CDH19: variants seen among roughly 807,000 people sequenced by gnomAD.
CDH19 encodes cadherin 19.
A neutral mutation model predicts 64.2 loss-of-function variants in CDH19; 67 were observed. The ratio of observed to expected loss-of-function variants is 1.04; its 90% CI spans 0.86 to 1.28. The LOEUF is 1.28. Ranked by LOEUF, CDH19 falls within the 50% of genes most tolerant of loss-of-function variation. The pLI, the probability that CDH19 is intolerant of heterozygous loss-of-function variation, is 0.00. For missense variants in CDH19, 1,030 were observed against 929.0 expected (o/e 1.11, Z -1.41); for synonymous variants, 346 against 319.3 (o/e 1.08, Z -0.89).
rs186615186 is a variant in CDH19 at position 66,501,424 on chromosome 18, A to T, written c.*3388T>A. 26 of 152,354 alleles carry T rather than the reference A, an allele frequency of 1.7e-4. No homozygotes were observed. The highest frequency in any genetic ancestry group is 1.6e-3 in the Admixed American group (25 of 15,270). 9.4% of individuals were successfully genotyped at this position (152,354 alleles called of 1,614,324 possible). ...AAGTTGCAGCTGATCACCAACCTGAATGAAGTGATGTAATGGAAAATAGAA... is the reference window on the plus strand; with the variant it reads ...AAGTTGCAGCTGATCACCAACCTGATTGAAGTGATGTAATGGAAAATAGAA... On this transcript the variant is annotated 3_prime_UTR_variant, in exon 12 of 12. Transcript: ENST00000262150.
chr18:66,551,104 T>G lies in CDH19; in HGVS notation c.765A>C (p.Ile255=). 6.3e-7 allele frequency: 1 copy of G among 1,574,912 alleles called. No individual in the cohort carries two copies. The highest frequency in any genetic ancestry group is 8.7e-7 in the Non-Finnish European group (1 of 1,149,254). Residue 255 remains isoleucine (I), a synonymous_variant, in exon 5 of 12, where the codon ATA becomes ATC. Coordinates refer to ENST00000262150, the MANE Select transcript of CDH19 (RefSeq NM_021153.4). ...KLSDVNDNKP[I]FKESLYRLTV... ...ATCCTTTTTACTTACTTTCTTTAAA[T>G]ATAGGCTTATTGTCATTAACATCTG...
At chr18:66,592,137 T>C (rs1237210279) in intron 1 of CDH19, among the ~76,000 whole-genome samples, 2 of 151,928 alleles carry the variant, frequency 1.3e-5, no homozygotes, top group African/African-American at 4.8e-5. Context: ...TGACTAGAGA[T>C]GAACTATGAT....
At chr18:66,512,557 A>G (rs923916475) in intron 9 of CDH19, among the ~76,000 whole-genome samples, 2 of 151,690 alleles carry the variant, frequency 1.3e-5, no homozygotes, top group Middle Eastern at 3.4e-3. Context: ...AAAAAAATAG[A>G]TACATCTTCA....
chr18:66,507,436 C>A (rs746320824), intron 11 of CDH19, among the ~76,000 whole-genome samples: 2 of 151,732 alleles, frequency 1.3e-5, no homozygotes, highest in South Asian at 2.1e-4. Context: ...AATGTAGTTT[C>A]ATTGGCTTTT....
chr18:66,562,359 T>C (rs1243550327), intron 3 of CDH19, among the ~76,000 whole-genome samples: 1 of 151,546 alleles, frequency 6.6e-6, no homozygotes, highest in Non-Finnish European at 1.5e-5. Flanking sequence ...ATAAGGAACA[T>C]GCAACCTAGA....
Position 66,551,130 on chromosome 18 carries a change from A to T in CDH19, c.739T>A (p.Ser247Thr). 8.7e-6 allele frequency: 14 copies of T among 1,605,920 alleles called. No homozygotes were observed. The highest frequency in any genetic ancestry group is 1.2e-5 in the Non-Finnish European group (14 of 1,173,432). The change falls in exon 5 of 12, where the codon TCA becomes ACA. Residue 247 changes from serine (S) to threonine (T), a missense_variant. Ser to Thr is a moderately conservative substitution (Grantham distance 58, BLOSUM62 1). Transcript: ENST00000262150. ...SGTTSVLIKL[S>T]DVNDNKPIFK... ...ATAGGCTTATTGTCATTAACATCTGAAAGTTTAATTAATACACTTGTTGTT... is the reference window on the plus strand; with the variant it reads ...ATAGGCTTATTGTCATTAACATCTGTAAGTTTAATTAATACACTTGTTGTT...
chr18:66,582,692 T>G (rs562764018), intron 1 of CDH19, among the ~76,000 whole-genome samples: 2 of 137,594 alleles, frequency 1.5e-5, no homozygotes, highest in Non-Finnish European at 3.1e-5. Context: ...GCAGTGTGAG[T>G]CAGAATAGCT....
chr18:66,576,636 A>G (rs575918560), intron 1 of CDH19, among the ~76,000 whole-genome samples: 63 of 151,690 alleles, frequency 4.2e-4, no homozygotes, highest in Non-Finnish European at 7.4e-4. Flanking sequence ...GAAATACAAG[A>G]TGAAATAAAA....
intron 10 of CDH19, among the ~76,000 whole-genome samples, chr18:66,510,005 C>G (rs1422397655): frequency 6.6e-6 from 1 of 151,794 alleles, no homozygotes; most frequent in Admixed American, 6.6e-5. Context: ...AACAAATATG[C>G]AATGACTCTT....
At chr18:66,506,613 T>C (rs568944959) in intron 11 of CDH19, among the ~76,000 whole-genome samples, 99 of 152,076 alleles carry the variant, frequency 6.5e-4, no homozygotes, top group African/African-American at 2.3e-3. Context: ...TTTAACATCA[T>C]GTAGAAACAG....
chr18:66,585,155 A>G (rs1233109706), intron 1 of CDH19, among the ~76,000 whole-genome samples: 2 of 152,102 alleles, frequency 1.3e-5, no homozygotes, highest in Non-Finnish European at 2.9e-5. Flanking sequence ...AGTGAAATAA[A>G]GAAACGGAAC....
At chr18:66,586,767 T>A (rs1988591362) in intron 1 of CDH19, among the ~76,000 whole-genome samples, 1 of 152,098 alleles carries the variant, frequency 6.6e-6, no homozygotes, top group Non-Finnish European at 1.5e-5. Context: ...CTTGTCTGTG[T>A]AGTTAAACAC....
intron 7 of CDH19, among the ~76,000 whole-genome samples, chr18:66,538,985 C>CGGGT: frequency 6.6e-6 from 1 of 152,094 alleles, no homozygotes; most frequent in Admixed American, 6.5e-5. Flanking sequence ...AGGCCACATT[C>CGGGT]GGGTGTACTG....
chr18:66,524,566 AT>A lies in CDH19; in HGVS notation c.1458+5278del, dbSNP rs1568178001. ...TGTATATATATATATATATATATAT[AT>A]ATAAACATCATCATGCACCATAAAT... On this transcript the variant is annotated intron_variant, in intron 9 of 11. Transcript: ENST00000262150. Among the ~76,000 whole-genome samples the A allele has an allele frequency of 6.3e-5, 9 of 143,486 alleles. No individual in the cohort carries two copies. In the East Asian group the frequency reaches 8.1e-4, roughly 13 times the overall value. 94.1% of individuals were successfully genotyped at this position (143,486 alleles called of 152,430 possible).
chr18:66,545,085 T>A (rs1306068727), intron 5 of CDH19, among the ~76,000 whole-genome samples, 182 bp from the exon 6 acceptor site: 2 of 152,054 alleles, frequency 1.3e-5, no homozygotes, highest in African/African-American at 4.8e-5. Context: ...TTCATGCCAT[T>A]CTCCTGCCTC....
At chr18:66,596,943 G>A (rs542462070) in intron 1 of CDH19, among the ~76,000 whole-genome samples, 12 of 148,020 alleles carry the variant, frequency 8.1e-5, no homozygotes, top group African/African-American at 7.4e-5. Context: ...TTAGCCGGGC[G>A]TAGTGGCGGG....
rs1158422975 is a variant in CDH19, at chr18:66,503,530, T to C, written c.*1282A>G. On this transcript the variant is annotated 3_prime_UTR_variant, in exon 12 of 12. Transcript: ENST00000262150. ...TTTAAGTTGTCTAAATAATTTTTAG[T>C]AGAGGTAAAAATTTACTTAAATTTT... The C allele has an allele frequency of 6.6e-6, 1 of 151,808 alleles. No individual in the cohort carries two copies. Among genetic ancestry groups the C allele is most frequent in the East Asian group, 1.9e-4 (1 of 5,180 alleles). 9.4% of individuals were successfully genotyped at this position (151,808 alleles called of 1,614,324 possible).
chr18:66,544,213 A>T lies in CDH19; in HGVS notation c.972T>A (p.Phe324Leu). The T allele has an allele frequency of 6.2e-7, 1 of 1,612,414 alleles. No individual in the cohort carries two copies. Among genetic ancestry groups the T allele is most frequent in the Non-Finnish European group, 8.5e-7 (1 of 1,179,162 alleles). The change falls in exon 7 of 12, where the codon TTT becomes TTA. Residue 324 changes from phenylalanine to leucine, a missense_variant. Phe to Leu is a conservative substitution (Grantham distance 22). Transcript: ENST00000262150. ...GIVILKKKVD[F>L]EHQNHYGIRA... ...TAATACCGTAGTGGTTCTGGTGCTC[A>T]AAATCCACTTTCTGCAAAGAAACAC...
chr18:66,543,172 C>G (rs532309483), intron 7 of CDH19, among the ~76,000 whole-genome samples: 1 of 152,144 alleles, frequency 6.6e-6, no homozygotes, highest in East Asian at 2.0e-4. Context: ...ACTACAGGTG[C>G]CCGCCGCCAC....
Sources: gnomAD v4.1 joint callset for allele counts (sites outside exome capture counted in the v4.1 genomes callset) on GRCh38, gnomAD v4.1.1 for gene constraint, MANE v1.5 for transcripts, NCBI Gene and HGNC (gene_info 2026-07-23, HGNC 2026-07-21) for gene names.